The following SLAMF9 variants were observed in gnomAD, a reference collection of about 807,000 sequenced individuals.
The protein encoded by SLAMF9 is SLAM family member 9, also known as CD2 family member 10.
Under a neutral mutation model 30.4 loss-of-function variants are expected in SLAMF9, and 25 were observed. The ratio of observed to expected loss-of-function variants is 0.82; its 90% confidence interval spans 0.60 to 1.15. The LOEUF (loss-of-function observed/expected upper bound fraction) is 1.15, where lower values mean the gene tolerates loss of function less well. SLAMF9 is among the 50% of genes most tolerant of loss of function. SLAMF9 has a pLI of 0.00. For synonymous variants in SLAMF9, 129 were observed against 127.2 expected (o/e 1.01, Z -0.09); for missense variants, 344 against 346.1 (o/e 0.99, Z 0.05).
chr1:159,958,226 C>A (rs1182775679), upstream of SLAMF9, among the ~76,000 whole-genome samples: 2 of 152,222 alleles, frequency 1.3e-5, no homozygotes, highest in Non-Finnish European at 2.9e-5. Flanking sequence ...CTTCTTGCAG[C>A]CAAAAATGTG....
At chr1:159,973,558 C>G in the SLAMF9 span, among the ~76,000 whole-genome samples, 1 of 152,166 alleles carries the variant, frequency 6.6e-6, no homozygotes, top group African/African-American at 2.4e-5. Flanking sequence ...CTGGTCCAGG[C>G]TTTTCCCAGT....
upstream of SLAMF9, among the ~76,000 whole-genome samples, chr1:159,956,990 C>G (rs1651934197): frequency 6.6e-6 from 1 of 151,454 alleles, no homozygotes; most frequent in Non-Finnish European, 1.5e-5. Flanking sequence ...GGCGTGGTGG[C>G]GGGTGCCTGT....
the SLAMF9 span, chr1:159,973,362 C>T: frequency 1.8e-6 from 1 of 555,374 alleles, no homozygotes. Flanking sequence ...AGCTTCTACT[C>T]AGTCCAGGCT....
the SLAMF9 span, among the ~76,000 whole-genome samples, chr1:159,975,511 A>G: frequency 6.6e-6 from 1 of 152,238 alleles, no homozygotes; most frequent in Non-Finnish European, 1.5e-5. Context: ...CTAAGAAGTA[A>G]GCCTGGGGAG....
At chr1:159,969,044 A>AG in the SLAMF9 span, among the ~76,000 whole-genome samples, 2 of 151,508 alleles carry the variant, frequency 1.3e-5, no homozygotes, top group Admixed American at 6.6e-5. Flanking sequence ...TCCATCTCAA[A>AG]AAAAAGAAGA....
chr1:159,975,386 A>T, the SLAMF9 span, among the ~76,000 whole-genome samples: 1 of 152,014 alleles, frequency 6.6e-6, no homozygotes, highest in Non-Finnish European at 1.5e-5. Flanking sequence ...TATAAGGGAG[A>T]TGTAGGGAGA....
chr1:159,955,198 C>A (rs570973521), upstream of SLAMF9, among the ~76,000 whole-genome samples: 1 of 151,950 alleles, frequency 6.6e-6, no homozygotes, highest in Admixed American at 6.5e-5. Context: ...TGTTGATCAA[C>A]TTATATGAAT....
the SLAMF9 span, among the ~76,000 whole-genome samples, chr1:159,959,868 A>G: frequency 6.6e-6 from 1 of 151,836 alleles, no homozygotes; most frequent in African/African-American, 2.4e-5. Flanking sequence ...TCTCCCTCAC[A>G]TTGCCTTTGA....
chr1:159,976,961 A>AAG, the SLAMF9 span: 1 of 7,900 alleles, frequency 1.3e-4, no homozygotes, highest in Non-Finnish European at 8.7e-4. Context: ...AGAAAGAAAG[A>AAG]GAAAGAAAGA....
the SLAMF9 span, among the ~76,000 whole-genome samples, chr1:159,982,084 C>T: frequency 2.6e-5 from 4 of 152,206 alleles, no homozygotes; most frequent in African/African-American, 9.6e-5. Context: ...AATCTGGCTG[C>T]CCCTAGTTGT....
chr1:159,958,281 G>A (rs949781812), upstream of SLAMF9, among the ~76,000 whole-genome samples: 4 of 152,200 alleles, frequency 2.6e-5, no homozygotes, highest in Non-Finnish European at 5.9e-5. Flanking sequence ...TGAGTATGCT[G>A]ATAGCCAGAA....
At chr1:159,969,007 A>T in the SLAMF9 span, among the ~76,000 whole-genome samples, 5 of 151,826 alleles carry the variant, frequency 3.3e-5, no homozygotes, top group Admixed American at 2.0e-4. Context: ...GTGCCACTGG[A>T]CTCCAGCCTG....
the SLAMF9 span, among the ~76,000 whole-genome samples, chr1:159,970,686 A>C: frequency 0.014 from 2,080 of 152,268 alleles, 47 homozygotes; most frequent in African/African-American, 0.047. Context: ...CAGTGTGTAC[A>C]TTTTCTAAGA....
chr1:159,952,110 G>A (rs1010943433), intron 3 of SLAMF9, 152 bp downstream of exon 3: 6 of 922,356 alleles, frequency 6.5e-6, no homozygotes, highest in African/African-American at 5.0e-5. Flanking sequence ...GAAAAACGGA[G>A]GGTCTCCTCT....
the SLAMF9 span, among the ~76,000 whole-genome samples, chr1:159,960,511 G>T: frequency 1.3e-5 from 2 of 148,602 alleles, no homozygotes; most frequent in South Asian, 2.1e-4. Context: ...TGTTGCCAAG[G>T]CTTCAGTGCA....
chr1:159,959,805 A>C, the SLAMF9 span, among the ~76,000 whole-genome samples: 6 of 152,148 alleles, frequency 3.9e-5, no homozygotes, highest in African/African-American at 1.4e-4. Flanking sequence ...GGGGTTCCAA[A>C]GGCAGTGACA....
At chr1:159,957,128 A>AT (rs1651939075), upstream of SLAMF9, among the ~76,000 whole-genome samples, 1 of 86,720 alleles carries the variant, frequency 1.2e-5, no homozygotes, top group East Asian at 5.0e-4. Context: ...TCTCAAAAAA[A>AT]AAAAAAAAAG....
Position 159,953,318 on chromosome 1 carries a change from A to T in SLAMF9, c.382T>A (p.Cys128Ser), listed in dbSNP as rs990484575. ...CCCAGCCTAAACTCACGGTAGACAC[A>T]TATATTGTACTGCTGCATGGTAGAG... Reference protein sequence around the residue: ...QISTMQQYNICVYRWLSEPQI... With the variant: ...QISTMQQYNISVYRWLSEPQI... The change falls in exon 2 of 4, where the codon TGT (cysteine) becomes AGT (serine). Residue 128 changes from cysteine to serine, a missense_variant. By Grantham distance (112) the Cys-to-Ser change is moderately radical. Transcript: ENST00000368093. The T allele has an allele frequency of 1.2e-6, 2 of 1,601,922 alleles. No homozygotes were observed. Among genetic ancestry groups the T allele is most frequent in the African/African-American group, 2.7e-5 (2 of 74,688 alleles).
the SLAMF9 span, among the ~76,000 whole-genome samples, chr1:159,978,173 C>T: frequency 6.6e-6 from 1 of 152,112 alleles, no homozygotes; most frequent in Non-Finnish European, 1.5e-5. Context: ...CCATGTCATA[C>T]CCCTCCCCAC....
Sources: allele counts gnomAD v4.1 joint callset (sites outside exome capture counted in the v4.1 genomes callset), GRCh38; gene constraint gnomAD v4.1.1; transcripts MANE v1.5; gene names NCBI Gene and HGNC (gene_info 2026-07-23, HGNC 2026-07-21).